The following NRXN1 variants were observed in gnomAD, a reference collection of about 807,000 sequenced individuals.
NRXN1 encodes neurexin-1.
A neutral mutation model predicts 150.9 loss-of-function variants in NRXN1; 39 were observed. The ratio of observed to expected loss-of-function variants is 0.26; its 90% confidence interval spans 0.20 to 0.34. The LOEUF (loss-of-function observed/expected upper bound fraction) is 0.34. NRXN1 is among the 10% of genes least tolerant of loss of function. NRXN1 has a pLI of 1.00. For missense variants in NRXN1, 1,815 were observed against 1,949.9 expected (o/e 0.93, Z 1.30); for synonymous variants, 924 against 757.0 (o/e 1.22, Z -3.62).
chr2:50,570,570 T>A (rs1190100427), intron 8 of NRXN1, among the ~76,000 whole-genome samples: 1 of 152,140 alleles, frequency 6.6e-6, no homozygotes, highest in East Asian at 1.9e-4. Context: ...ATCTTTGCTT[T>A]GCTGTGTGGT....
chr2:50,802,620 GAAAA>G (rs1166271165), intron 5 of NRXN1, among the ~76,000 whole-genome samples: 3 of 150,578 alleles, frequency 2.0e-5, no homozygotes, highest in Non-Finnish European at 4.4e-5. Context: ...AAAGAGGAAA[GAAAA>G]GAAAGAAGGG....
intron 19 of NRXN1, among the ~76,000 whole-genome samples, chr2:50,073,347 G>C (rs10469914): frequency 2.0e-5 from 3 of 152,096 alleles, no homozygotes; most frequent in Non-Finnish European, 2.9e-5. Flanking sequence ...ACACATAGCC[G>C]GTCTTAAATA....
At chr2:49,965,910 T>C (rs955836201) in intron 21 of NRXN1, among the ~76,000 whole-genome samples, 3 of 152,222 alleles carry the variant, frequency 2.0e-5, no homozygotes, top group African/African-American at 7.2e-5. Flanking sequence ...TATGTATTGA[T>C]ATAAAGCCTA....
rs542905817 is a variant in NRXN1 at position 50,001,512 on chromosome 2, T to C, written c.4128+51759A>G. 2.6e-5 allele frequency among the ~76,000 whole-genome samples: 4 copies of C among 152,200 alleles called. No individual in the cohort carries two copies. The Middle Eastern group carries it at 0.01, about 388-fold the overall frequency. On this transcript the variant is annotated intron_variant, in intron 21 of 22. Coordinates refer to ENST00000401669, the MANE Select transcript of NRXN1 (RefSeq NM_001330078.2). The stretch of plus-strand genomic sequence containing the variant: ...TGAGCCACAGAATGTGTTAAGAAGA[T>C]AGACTCTGGGGCCAAATTATCGCAT...
At chr2:50,161,448 T>C (rs1328204111) in intron 18 of NRXN1, among the ~76,000 whole-genome samples, 1 of 151,638 alleles carries the variant, frequency 6.6e-6, no homozygotes, top group African/African-American at 2.4e-5. Context: ...GGGTTAAAAA[T>C]GTTGAGGATG....
intron 5 of NRXN1, among the ~76,000 whole-genome samples, chr2:50,648,988 A>C (rs1444416216): frequency 1.3e-5 from 2 of 151,860 alleles, no homozygotes; most frequent in Admixed American, 6.6e-5. Flanking sequence ...TTTCCTTGTC[A>C]GTCAATCTGA....
intron 17 of NRXN1, among the ~76,000 whole-genome samples, chr2:50,248,269 C>T (rs2066696445): frequency 6.6e-6 from 1 of 152,102 alleles, no homozygotes; most frequent in African/African-American, 2.4e-5. Context: ...TCTGCCTTGG[C>T]CTCTGAAGTG....
intron 13 of NRXN1, among the ~76,000 whole-genome samples, chr2:50,498,030 G>A (rs2091741565): frequency 6.6e-6 from 1 of 152,094 alleles, no homozygotes; most frequent in Non-Finnish European, 1.5e-5. Context: ...GTAAAAGAAG[G>A]AGAGGGAGGA....
At chr2:50,713,265 G>C (rs779380342) in intron 5 of NRXN1, among the ~76,000 whole-genome samples, 2 of 150,942 alleles carry the variant, frequency 1.3e-5, no homozygotes, top group East Asian at 3.9e-4. Flanking sequence ...AGTGAGCCGA[G>C]ATAGTACCCC....
intron 2 of NRXN1, among the ~76,000 whole-genome samples, chr2:50,967,873 C>T (rs1694349826): frequency 6.6e-6 from 1 of 151,782 alleles, no homozygotes; most frequent in African/African-American, 2.4e-5. Flanking sequence ...TCACAGTAGG[C>T]TAAAATTATG....
intron 17 of NRXN1, among the ~76,000 whole-genome samples, chr2:50,435,597 A>T (rs374880061): frequency 1.1e-3 from 173 of 152,276 alleles, no homozygotes; most frequent in African/African-American, 3.8e-3. Context: ...TAGTGCTGTG[A>T]TGAATATACA....
chr2:49,932,392 G>A (rs1670285054), intron 22 of NRXN1, among the ~76,000 whole-genome samples: 1 of 152,138 alleles, frequency 6.6e-6, no homozygotes, highest in African/African-American at 2.4e-5. Context: ...CTACACTCCT[G>A]CTGGGCAATA....
chr2:50,681,208 C>T (rs1690350666), intron 5 of NRXN1, among the ~76,000 whole-genome samples: 2 of 152,146 alleles, frequency 1.3e-5, no homozygotes, highest in South Asian at 4.1e-4. Context: ...TGAATTAAAC[C>T]AACAACATCA....
intron 18 of NRXN1, among the ~76,000 whole-genome samples, chr2:50,223,748 A>G (rs2064104572): frequency 1.3e-5 from 2 of 152,090 alleles, no homozygotes; most frequent in African/African-American, 4.8e-5. Flanking sequence ...GACCTCATTT[A>G]CATGCTTAAG....
At position 50,012,975 on chromosome 2, in the gene NRXN1, A is replaced by C. The variant is rs183483798; in HGVS notation, c.4128+40296T>G. Among the ~76,000 whole-genome samples the C allele has an allele frequency of 3.2e-3, 481 of 152,158 alleles. 1 individual carries two copies. Among genetic ancestry groups the C allele is most frequent in the Non-Finnish European group, 5.3e-3 (360 of 67,980 alleles). On this transcript the variant is annotated intron_variant, in intron 21 of 22. Coordinates refer to ENST00000401669, the MANE Select transcript of NRXN1 (RefSeq NM_001330078.2). ...GCTTTGCTAGTGGAAAGAATTTGCA[A>C]AGCCCTTTTGTGGGGGAGAAACCCT... is the stretch of plus-strand genomic sequence containing the variant.
chr2:50,219,752 G>A (rs964489448), intron 18 of NRXN1, among the ~76,000 whole-genome samples: 2 of 149,444 alleles, frequency 1.3e-5, no homozygotes, highest in African/African-American at 4.9e-5. Context: ...GTTGGGCATG[G>A]TGGCACATGC....
At chr2:50,688,379 G>T (rs922004430) in intron 5 of NRXN1, among the ~76,000 whole-genome samples, 8 of 152,036 alleles carry the variant, frequency 5.3e-5, no homozygotes, top group Non-Finnish European at 1.2e-4. Context: ...GCAACAAATA[G>T]AACCCTCCCT....
intron 5 of NRXN1, among the ~76,000 whole-genome samples, chr2:50,732,258 A>G (rs1698192253): frequency 1.3e-5 from 2 of 152,150 alleles, no homozygotes; most frequent in Admixed American, 6.5e-5. Flanking sequence ...AGTAAAAAGG[A>G]AAGAAGTCAT....
intron 5 of NRXN1, among the ~76,000 whole-genome samples, chr2:50,817,081 T>G (rs981589343): frequency 5.9e-5 from 9 of 152,036 alleles, no homozygotes; most frequent in African/African-American, 2.2e-4. Context: ...CATGACTGAA[T>G]TTCCATAATT....
Sources: allele counts gnomAD v4.1 joint callset (sites outside exome capture counted in the v4.1 genomes callset), GRCh38; gene constraint gnomAD v4.1.1; transcripts MANE v1.5; gene names NCBI Gene and HGNC (gene_info 2026-07-23, HGNC 2026-07-21).